BDKRB1: variants seen among roughly 807,000 people sequenced by gnomAD.
BDKRB1 encodes the protein bradykinin receptor B1.
For synonymous variants in BDKRB1, 192 were observed against 189.1 expected (o/e 1.02, Z -0.13); for missense variants, 414 against 441.4 (o/e 0.94, Z 0.56).
chr14:96,257,903 G>A (rs1885654118), intron 1 of BDKRB1, among the ~76,000 whole-genome samples: 2 of 150,466 alleles, frequency 1.3e-5, no homozygotes. Context: ...AAGGAAAGCA[G>A]GATGGGAGGG....
At chr14:96,260,851 A>G (rs1030167512) in intron 1 of BDKRB1, among the ~76,000 whole-genome samples, 2 of 152,184 alleles carry the variant, frequency 1.3e-5, no homozygotes, top group Non-Finnish European at 2.9e-5. Context: ...ACTCCCAGTT[A>G]GGTCTCATCA....
intron 1 of BDKRB1, among the ~76,000 whole-genome samples, chr14:96,257,533 G>C (rs1219443204): frequency 6.6e-6 from 1 of 152,128 alleles, no homozygotes; most frequent in Non-Finnish European, 1.5e-5. Flanking sequence ...CTCAAGATGA[G>C]ATTTGGGTGG....
Position 96,264,278 on chromosome 14 carries a change from A to C in BDKRB1, c.596A>C (p.His199Pro). The part of the protein sequence containing the change: ...CILLLPHEAW[H>P]FARIVELNIL... Reference sequence around the variant, plus strand: ...CTGCTCCTCCCCCATGAGGCCTGGCACTTTGCAAGGATTGTGGAGTTAAAT... The same window carrying C: ...CTGCTCCTCCCCCATGAGGCCTGGCCCTTTGCAAGGATTGTGGAGTTAAAT... The change falls in exon 3 of 3, where the codon CAC becomes CCC. Residue 199 changes from histidine to proline, a missense_variant. His to Pro is a moderately conservative substitution (Grantham distance 77). Coordinates refer to ENST00000216629, the MANE Select transcript of BDKRB1 (RefSeq NM_000710.4). 1 of 1,614,158 alleles carries C rather than the reference A, an allele frequency of 6.2e-7. No individual in the cohort carries two copies. The highest frequency in any genetic ancestry group is 8.5e-7 in the Non-Finnish European group (1 of 1,180,006).
intron 1 of BDKRB1, among the ~76,000 whole-genome samples, chr14:96,258,912 CAA>C (rs749637177): frequency 1.1e-4 from 15 of 137,584 alleles, no homozygotes; most frequent in African/African-American, 2.4e-4. Context: ...TCAGATACTG[CAA>C]AAAAAAAAAA....
In BDKRB1 at chr14:96,264,191, T is replaced by TC. The variant is rs763792076; in HGVS notation, c.513dup (p.Thr172HisfsTer25). Reference sequence around the variant, plus strand: ...TGGGTTGTGGGGGGCCTCTTGAGCATCCCCACATTCCTGCTGCGATCCATC... The same window carrying TC: ...TGGGTTGTGGGGGGCCTCTTGAGCATCCCCCACATTCCTGCTGCGATCCATC... On this transcript the variant is annotated frameshift_variant, in exon 3 of 3. Coordinates refer to ENST00000216629, the MANE Select transcript of BDKRB1 (RefSeq NM_000710.4). LOFTEE classifies it low-confidence loss of function (END_TRUNC). 1 of 1,610,590 alleles carries TC rather than the reference T, an allele frequency of 6.2e-7. No individual in the cohort carries two copies. The highest frequency in any genetic ancestry group is 8.5e-7 in the Non-Finnish European group (1 of 1,177,596).
chr14:96,263,960 G>C lies in BDKRB1; in HGVS notation c.278G>C (p.Trp93Ser), dbSNP rs1326291317. 6.2e-7 allele frequency: 1 copy of C among 1,614,090 alleles called. No individual in the cohort carries two copies. Among genetic ancestry groups the C allele is most frequent in the East Asian group, 2.2e-5 (1 of 44,892 alleles). The part of the protein sequence containing the change: ...DLVFVLGLPF[W>S]AENIWNQFNW... ...GTGTTTGTCTTGGGCTTGCCCTTCT[G>C]GGCAGAGAATATCTGGAACCAGTTT... Residue 93 changes from tryptophan (W) to serine (S), a missense_variant, in exon 3 of 3, where the codon TGG (tryptophan) becomes TCG (serine). Physicochemically the swap from Trp to Ser is radical, Grantham distance 177. Transcript: ENST00000216629.
rs371349351 is a variant in BDKRB1, at chr14:96,262,778, C to T, written c.-11+8C>T. On this transcript the variant is annotated splice_region_variant and intron_variant, in intron 2 of 2. Transcript: ENST00000216629. Reference sequence around the variant, plus strand: ...GAGTTGCTGGGACCACAGGTATGCACCACCATGCCCAGCTAATTTTTGTAT... The same window carrying T: ...GAGTTGCTGGGACCACAGGTATGCATCACCATGCCCAGCTAATTTTTGTAT... The T allele has an allele frequency of 2.7e-4, 105 of 393,498 alleles. No homozygotes were observed. In the East Asian group the frequency reaches 6.6e-3, roughly 25 times the overall value. 24.4% of individuals were successfully genotyped at this position (393,498 alleles called of 1,614,324 possible).
intron 1 of BDKRB1, among the ~76,000 whole-genome samples, chr14:96,261,895 A>G (rs774430945): frequency 1.3e-5 from 2 of 152,236 alleles, no homozygotes; most frequent in African/African-American, 2.4e-5. Context: ...CCATGAGCAC[A>G]GGATGGGATC....
intron 1 of BDKRB1, among the ~76,000 whole-genome samples, chr14:96,256,812 T>G (rs1403242472): frequency 6.6e-6 from 1 of 152,244 alleles, no homozygotes; most frequent in Non-Finnish European, 1.5e-5. Context: ...AACATCACCA[T>G]GCTGTTGAAA....
At position 96,263,955 on chromosome 14, in the gene BDKRB1, C is replaced by G. The variant is rs150403540; in HGVS notation, c.273C>G (p.Pro91=). Reference sequence around the variant, plus strand: ...ATCTGGTGTTTGTCTTGGGCTTGCCCTTCTGGGCAGAGAATATCTGGAACC... The same window carrying G: ...ATCTGGTGTTTGTCTTGGGCTTGCCGTTCTGGGCAGAGAATATCTGGAACC... ...ASDLVFVLGL[P]FWAENIWNQF... The change falls in exon 3 of 3, where the codon CCC becomes CCG. Residue 91 remains proline, a synonymous_variant. Transcript: ENST00000216629. The G allele has an allele frequency of 6.2e-7, 1 of 1,614,240 alleles. No individual in the cohort carries two copies. The highest frequency in any genetic ancestry group is 1.3e-5 in the African/African-American group (1 of 75,068).
chr14:96,257,263 G>A (rs1885637905), intron 1 of BDKRB1, among the ~76,000 whole-genome samples: 1 of 152,224 alleles, frequency 6.6e-6, no homozygotes, highest in Non-Finnish European at 1.5e-5. Context: ...TCCCTGCGTA[G>A]CTGGTCGTCT....
At chr14:96,260,178 C>T (rs1489322919) in intron 1 of BDKRB1, among the ~76,000 whole-genome samples, 2 of 152,144 alleles carry the variant, frequency 1.3e-5, no homozygotes, top group Non-Finnish European at 2.9e-5. Context: ...CACCTGCCAT[C>T]ACACCCAGCT....
chr14:96,261,586 C>G (rs1056342855), intron 1 of BDKRB1, among the ~76,000 whole-genome samples: 3 of 152,192 alleles, frequency 2.0e-5, no homozygotes, highest in African/African-American at 4.8e-5. Context: ...CTCTGCTACA[C>G]AATAGCTTTT....
At chr14:96,263,357 A>G (rs548959050) in intron 2 of BDKRB1, among the ~76,000 whole-genome samples, 79 of 152,316 alleles carry the variant, frequency 5.2e-4, no homozygotes, top group Non-Finnish European at 8.1e-4. Context: ...GTAAAAGTCA[A>G]TGGTTCTAAG....
intron 1 of BDKRB1, 150 bp from the exon 2 acceptor site, chr14:96,262,502 G>A (rs1473327520): frequency 1.1e-5 from 4 of 353,854 alleles, no homozygotes; most frequent in Non-Finnish European, 1.6e-5. Flanking sequence ...TTAGAATGGC[G>A]CCTGGAACAC....
chr14:96,259,418 A>G (rs1885694276), intron 1 of BDKRB1: 2 of 152,212 alleles, frequency 1.3e-5, no homozygotes, highest in South Asian at 4.1e-4. Flanking sequence ...ACATTTTGTA[A>G]ATTTTGTCAC....
intron 1 of BDKRB1, among the ~76,000 whole-genome samples, chr14:96,257,363 G>A (rs145195197): frequency 9.8e-4 from 150 of 152,318 alleles, no homozygotes; most frequent in African/African-American, 3.4e-3. Context: ...GGCTTAAAAC[G>A]ATGCAAGTTA....
In BDKRB1 at chr14:96,263,921, C is replaced by T. The variant is rs1423172850; in HGVS notation, c.239C>T (p.Ala80Val). The T allele has an allele frequency of 1.9e-6, 3 of 1,614,280 alleles. No homozygotes were observed. Among genetic ancestry groups the T allele is most frequent in the Admixed American group, 1.7e-5 (1 of 60,038 alleles). Reference sequence around the variant, plus strand: ...GCAGAAATCTACCTGGCCAACCTGGCAGCCTCTGATCTGGTGTTTGTCTTG... The same window carrying T: ...GCAGAAATCTACCTGGCCAACCTGGTAGCCTCTGATCTGGTGTTTGTCTTG... Reference protein sequence around the residue: ...NVAEIYLANLAASDLVFVLGL... With the variant: ...NVAEIYLANLVASDLVFVLGL... The change falls in exon 3 of 3, where the codon GCA becomes GTA. Residue 80 changes from alanine to valine, a missense_variant. Physicochemically the swap from Ala to Val is moderately conservative, Grantham distance 64. Transcript: ENST00000216629.
intron 1 of BDKRB1, among the ~76,000 whole-genome samples, chr14:96,257,060 G>A (rs1475266534): frequency 1.3e-5 from 2 of 152,198 alleles, no homozygotes; most frequent in African/African-American, 2.4e-5. Flanking sequence ...CAGAGCTAAA[G>A]CTGAAAACTG....
Sources: allele counts gnomAD v4.1 joint callset (sites outside exome capture counted in the v4.1 genomes callset), GRCh38; gene constraint gnomAD v4.1.1; transcripts MANE v1.5; gene names NCBI Gene and HGNC (gene_info 2026-07-23, HGNC 2026-07-21).